STXBP5L: variants seen among roughly 807,000 people sequenced by gnomAD.
STXBP5L encodes syntaxin binding protein 5L.
Under a neutral mutation model 144.5 loss-of-function variants are expected in STXBP5L, and 65 were observed. That is an observed-to-expected ratio of 0.45 (90% confidence interval 0.37 to 0.55). The LOEUF is 0.55. Ranked by LOEUF, STXBP5L falls within the 20% of genes least tolerant of loss-of-function variation. STXBP5L has a pLI of 0.00. For synonymous variants in STXBP5L, 505 were observed against 469.6 expected (o/e 1.08, Z -0.97); for missense variants, 1,298 against 1,405.5 (o/e 0.92, Z 1.22).
intron 22 of STXBP5L, among the ~76,000 whole-genome samples, chr3:121,382,515 T>C (rs2046344178): frequency 6.6e-6 from 1 of 152,072 alleles, no homozygotes; most frequent in Non-Finnish European, 1.5e-5. Context: ...TGGAGTCAAA[T>C]CAGTGATACC....
At chr3:120,912,935 T>C (rs986680074) in intron 2 of STXBP5L, among the ~76,000 whole-genome samples, 14 of 152,024 alleles carry the variant, frequency 9.2e-5, no homozygotes, top group Admixed American at 6.6e-5. Context: ...TCTCATTCTT[T>C]CGTTTCTGAC....
intron 5 of STXBP5L, among the ~76,000 whole-genome samples, chr3:121,098,565 G>C (rs758688001): frequency 1.3e-5 from 2 of 152,168 alleles, no homozygotes; most frequent in Non-Finnish European, 2.9e-5. Flanking sequence ...TCCAACATCA[G>C]ACATCACATT....
At chr3:121,004,567 G>A (rs1944099418) in intron 3 of STXBP5L, among the ~76,000 whole-genome samples, 1 of 151,750 alleles carries the variant, frequency 6.6e-6, no homozygotes, top group Non-Finnish European at 1.5e-5. Flanking sequence ...GATTGCCCTG[G>A]CCAGAACTTC....
chr3:121,388,819 C>G (rs1440167109), intron 22 of STXBP5L, among the ~76,000 whole-genome samples: 1 of 152,136 alleles, frequency 6.6e-6, no homozygotes, highest in East Asian at 1.9e-4. Context: ...ATTTTCACAT[C>G]GATGTTCATC....
intron 3 of STXBP5L, among the ~76,000 whole-genome samples, chr3:120,960,767 G>A (rs538921922): frequency 2.6e-5 from 4 of 152,164 alleles, no homozygotes; most frequent in African/African-American, 9.6e-5. Context: ...TTGTGGGGTG[G>A]GGGCAGGGGG....
intron 9 of STXBP5L, among the ~76,000 whole-genome samples, chr3:121,178,003 C>T (rs961955052): frequency 2.6e-5 from 4 of 152,116 alleles, no homozygotes; most frequent in African/African-American, 9.7e-5. Context: ...GAATATTATG[C>T]TAAGTGGAGT....
intron 3 of STXBP5L, among the ~76,000 whole-genome samples, chr3:120,973,523 AACTT>A (rs1238961949): frequency 6.6e-6 from 1 of 151,812 alleles, no homozygotes. Context: ...TCAGAATACT[AACTT>A]TTCATTTCTT....
intron 5 of STXBP5L, among the ~76,000 whole-genome samples, chr3:121,112,756 C>T (rs1423406422): frequency 6.6e-6 from 1 of 151,964 alleles, no homozygotes; most frequent in African/African-American, 2.4e-5. Context: ...TTTTCCAAGG[C>T]TTACATGCAG....
In STXBP5L at chr3:121,257,277, G is replaced by C. The variant is rs2050238709; in HGVS notation, c.1776G>C (p.Gly592=). The change falls in exon 17 of 27, where the codon GGG becomes GGC. Residue 592 remains glycine, a synonymous_variant. Transcript: ENST00000471454. Reference sequence around the variant, plus strand: ...TTCCTTCTTCAAGGAGTCTTTCTGGGAGCACTAACACTGTTGCTAGTGAAG... The same window carrying C: ...TTCCTTCTTCAAGGAGTCTTTCTGGCAGCACTAACACTGTTGCTAGTGAAG... ...AQLPSSRSLS[G]STNTVASEGV... 2 of 1,613,654 alleles carry C rather than the reference G, an allele frequency of 1.2e-6. No homozygotes were observed. Among genetic ancestry groups the C allele is most frequent in the Non-Finnish European group, 1.7e-6 (2 of 1,179,748 alleles).
At chr3:121,045,621 C>T (rs905930101) in intron 5 of STXBP5L, 86 bp downstream of exon 5, 10 of 1,155,646 alleles carry the variant, frequency 8.7e-6, no homozygotes, top group Non-Finnish European at 1.2e-5. Context: ...AGGCTTTTTT[C>T]CTCATAATCT....
At chr3:120,989,018 A>G (rs923406086) in intron 3 of STXBP5L, among the ~76,000 whole-genome samples, 3 of 152,130 alleles carry the variant, frequency 2.0e-5, no homozygotes, top group Non-Finnish European at 4.4e-5. Flanking sequence ...AGGCCGAATA[A>G]TATTCCATGG....
At chr3:121,113,666 CTTTTTCTTTTTTT>C (rs1425878802) in intron 5 of STXBP5L, among the ~76,000 whole-genome samples, 3 of 132,876 alleles carry the variant, frequency 2.3e-5, no homozygotes, top group South Asian at 2.5e-4. Context: ...ATTCTTTTTT[CTTTTTCTTTTTTT>C]TTTTTTTTTT....
At chr3:121,290,849 T>C (rs887338871) in intron 19 of STXBP5L, among the ~76,000 whole-genome samples, 6 of 152,084 alleles carry the variant, frequency 3.9e-5, no homozygotes, top group Admixed American at 3.9e-4. Context: ...AAATTCATCA[T>C]CTCTTTATGA....
At chr3:121,117,854 A>T (rs2044298355) in intron 6 of STXBP5L, among the ~76,000 whole-genome samples, 2 of 151,920 alleles carry the variant, frequency 1.3e-5, no homozygotes, top group East Asian at 3.9e-4. Flanking sequence ...TTTTTCATTT[A>T]AACAGTGATA....
intron 20 of STXBP5L, among the ~76,000 whole-genome samples, chr3:121,368,161 C>T (rs919220569): frequency 1.3e-5 from 2 of 151,838 alleles, no homozygotes; most frequent in Non-Finnish European, 2.9e-5. Context: ...CCTCTGTTCA[C>T]CATTTTGAAT....
At position 120,958,921 on chromosome 3, in the gene STXBP5L, A is replaced by T. The variant is rs543695513; in HGVS notation, c.287+3884A>T. On this transcript the variant is annotated intron_variant, in intron 3 of 26. Coordinates refer to ENST00000471454, the MANE Select transcript of STXBP5L (RefSeq NM_001308330.2). ...TCTGGCCAGGGCAATTAGGCAGGAG[A>T]AGGAAATAAAGAGTATTCAATTAGG... is the stretch of plus-strand genomic sequence containing the variant. Among the ~76,000 whole-genome samples the T allele has an allele frequency of 3.6e-4, 55 of 152,332 alleles. 2 individuals carry two copies. Among genetic ancestry groups the T allele is most frequent in the Non-Finnish European group, 7.3e-4 (50 of 68,028 alleles).
At chr3:121,373,440 C>T (rs1274895081) in intron 20 of STXBP5L, among the ~76,000 whole-genome samples, 2 of 152,204 alleles carry the variant, frequency 1.3e-5, no homozygotes, top group Admixed American at 6.5e-5. Context: ...CAAGCTGCTA[C>T]AATATGATGC....
chr3:121,025,872 A>G (rs1189422465), intron 3 of STXBP5L, among the ~76,000 whole-genome samples: 2 of 146,852 alleles, frequency 1.4e-5, no homozygotes, highest in Non-Finnish European at 3.0e-5. Flanking sequence ...AAATTATATT[A>G]TAATTATTTA....
chr3:121,156,622 CA>C (rs1559804825), intron 8 of STXBP5L, among the ~76,000 whole-genome samples: 1 of 151,826 alleles, frequency 6.6e-6, no homozygotes, highest in Non-Finnish European at 1.5e-5. Context: ...ATTGGGAATA[CA>C]ATAGCTTGGG....
Sources: allele counts gnomAD v4.1 joint callset (sites outside exome capture counted in the v4.1 genomes callset), GRCh38; gene constraint gnomAD v4.1.1; transcripts MANE v1.5; gene names NCBI Gene and HGNC (gene_info 2026-07-23, HGNC 2026-07-21).